The following ANXA10 variants were observed in gnomAD, a reference collection of about 807,000 sequenced individuals.
The protein encoded by ANXA10 is annexin A10, also known as annexin 14.
Under a neutral mutation model 53.5 loss-of-function variants are expected in ANXA10, and 49 were observed. The observed-to-expected ratio is 0.92, with a 90% confidence interval of 0.73 to 1.16. The LOEUF is 1.16. Ranked by LOEUF, ANXA10 falls within the 50% of genes most tolerant of loss-of-function variation. The pLI, the probability that ANXA10 is intolerant of heterozygous loss-of-function variation, is 0.00. For synonymous variants in ANXA10, 131 were observed against 128.9 expected (o/e 1.02, Z -0.11); for missense variants, 393 against 394.4 (o/e 1.00, Z 0.03).
At chr4:168,105,744 A>C (rs1730710244) in intron 1 of ANXA10, among the ~76,000 whole-genome samples, 1 of 152,108 alleles carries the variant, frequency 6.6e-6, no homozygotes, top group South Asian at 2.1e-4. Flanking sequence ...ACAGTATATA[A>C]GCATTCCTTT....
chr4:168,171,911 C>T (rs1731997778), intron 6 of ANXA10, among the ~76,000 whole-genome samples: 1 of 152,150 alleles, frequency 6.6e-6, no homozygotes, highest in Non-Finnish European at 1.5e-5. Flanking sequence ...ATACTTACTG[C>T]TTACCTTGGC....
chr4:168,138,193 C>G (rs549112506), intron 2 of ANXA10, among the ~76,000 whole-genome samples: 1 of 152,144 alleles, frequency 6.6e-6, no homozygotes, highest in South Asian at 2.1e-4. Context: ...AACCTCCTGA[C>G]CTCATGATCC....
chr4:168,140,965 C>T (rs1560969703), intron 3 of ANXA10, among the ~76,000 whole-genome samples: 1 of 152,192 alleles, frequency 6.6e-6, no homozygotes, highest in African/African-American at 2.4e-5. Flanking sequence ...CAAAGGTTTA[C>T]ATACATTTTT....
chr4:168,093,513 C>G (rs1407077518), intron 1 of ANXA10, among the ~76,000 whole-genome samples: 1 of 151,978 alleles, frequency 6.6e-6, no homozygotes, highest in East Asian at 1.9e-4. Flanking sequence ...AAATTATATA[C>G]AAGTATATGT....
intron 3 of ANXA10, among the ~76,000 whole-genome samples, chr4:168,143,519 G>A (rs548172538): frequency 1.5e-4 from 23 of 152,212 alleles, no homozygotes; most frequent in African/African-American, 4.8e-4. Flanking sequence ...TCCGCTGATT[G>A]ACATATTTAT....
chr4:168,156,318 A>T (rs182481266), intron 3 of ANXA10, among the ~76,000 whole-genome samples: 5 of 6,886 alleles, frequency 7.3e-4, no homozygotes, highest in East Asian at 4.3e-3. Flanking sequence ...TAGTATATAT[A>T]ATATATAATA....
chr4:168,095,925 A>G (rs1410079980), intron 1 of ANXA10, among the ~76,000 whole-genome samples: 1 of 152,182 alleles, frequency 6.6e-6, no homozygotes, highest in Non-Finnish European at 1.5e-5. Context: ...GCTTTGACTC[A>G]TGAGTTTGCC....
chr4:168,182,964 G>A (rs1262980121), intron 10 of ANXA10, among the ~76,000 whole-genome samples: 8 of 133,086 alleles, frequency 6.0e-5, no homozygotes, highest in Non-Finnish European at 1.2e-4. Context: ...AGCCGAGATC[G>A]CGCCACTGCA....
intron 4 of ANXA10, 38 bp downstream of exon 4, chr4:168,162,679 C>A: frequency 6.5e-7 from 1 of 1,543,340 alleles, no homozygotes; most frequent in Non-Finnish European, 9.0e-7. Flanking sequence ...GTAACAAGTA[C>A]AGGCCAGTAT....
At chr4:168,125,586 A>C (rs943325515) in intron 1 of ANXA10, among the ~76,000 whole-genome samples, 3 of 152,210 alleles carry the variant, frequency 2.0e-5, no homozygotes, top group Non-Finnish European at 4.4e-5. Flanking sequence ...TTGGCTATGA[A>C]TAAGTGAAAT....
chr4:168,174,444 C>A (rs1295541762), intron 6 of ANXA10, among the ~76,000 whole-genome samples: 1 of 152,188 alleles, frequency 6.6e-6, no homozygotes, highest in Non-Finnish European at 1.5e-5. Context: ...AGCTGGACCC[C>A]ATGCTCACTC....
chr4:168,186,284 TAGA>T (rs1453195497), intron 11 of ANXA10, among the ~76,000 whole-genome samples: 1 of 152,220 alleles, frequency 6.6e-6, no homozygotes, highest in Non-Finnish European at 1.5e-5. Context: ...ATAGAAATTA[TAGA>T]AGACCATTAC....
At chr4:168,138,352 A>G (rs1440895433) in intron 2 of ANXA10, among the ~76,000 whole-genome samples, 2 of 152,104 alleles carry the variant, frequency 1.3e-5, no homozygotes. Context: ...CATGATGTTA[A>G]GCATTTTTCA....
intron 3 of ANXA10, among the ~76,000 whole-genome samples, chr4:168,145,965 C>A (rs1703313384): frequency 6.6e-6 from 1 of 151,802 alleles, no homozygotes; most frequent in African/African-American, 2.4e-5. Flanking sequence ...CTGTGTCACC[C>A]AGGCTGGAGT....
intron 6 of ANXA10, among the ~76,000 whole-genome samples, chr4:168,170,166 AACAC>A (rs1014861804): frequency 1.3e-5 from 2 of 152,162 alleles, no homozygotes; most frequent in African/African-American, 4.8e-5. Flanking sequence ...ATTTTAAAAT[AACAC>A]ACAATATTTT....
intron 1 of ANXA10, among the ~76,000 whole-genome samples, chr4:168,094,778 TG>T (rs1308260235): frequency 6.6e-6 from 1 of 151,830 alleles, no homozygotes. Context: ...CATGGAAAAA[TG>T]GTTACATTTC....
Position 168,177,965 on chromosome 4 carries a change from T to A in ANXA10, c.610T>A (p.Tyr204Asn), listed in dbSNP as rs368818003. The stretch of plus-strand genomic sequence containing the variant: ...GCAAATGATCCTGTGCAACAAGAGC[T>A]ACCAGCAGCTGCGGCTGGGTAATTA... ...MLQMILCNKS[Y>N]QQLRLVFQEF... The change falls in exon 8 of 12, where the codon TAC becomes AAC. Residue 204 changes from tyrosine (Y) to asparagine (N), a missense_variant. Coordinates refer to ENST00000359299, the MANE Select transcript of ANXA10 (RefSeq NM_007193.5). 51 of 1,613,528 alleles carry A rather than the reference T, an allele frequency of 3.2e-5. No individual in the cohort carries two copies. The highest frequency in any genetic ancestry group is 1.8e-4 in the Middle Eastern group (1 of 5,686).
chr4:168,159,309 CACAT>C (rs1731741799), intron 3 of ANXA10, among the ~76,000 whole-genome samples: 1 of 152,108 alleles, frequency 6.6e-6, no homozygotes, highest in Non-Finnish European at 1.5e-5. Flanking sequence ...TATTTGAATA[CACAT>C]GTTTGTGTCT....
chr4:168,153,435 A>C (rs527814735), intron 3 of ANXA10, among the ~76,000 whole-genome samples: 5 of 56,358 alleles, frequency 8.9e-5, no homozygotes, highest in Admixed American at 1.7e-4. Context: ...AAAAAAAAAA[A>C]AAAAAACAAA....
Sources: allele counts gnomAD v4.1 joint callset (sites outside exome capture counted in the v4.1 genomes callset), GRCh38; gene constraint gnomAD v4.1.1; transcripts MANE v1.5; gene names NCBI Gene and HGNC (gene_info 2026-07-23, HGNC 2026-07-21).